The following SLCO3A1 variants were observed in gnomAD, a reference collection of about 807,000 sequenced individuals.
The protein encoded by SLCO3A1 is solute carrier organic anion transporter family member 3A1.
A neutral mutation model predicts 63.1 loss-of-function variants in SLCO3A1; 27 were observed. That is an observed-to-expected ratio of 0.43 (90% CI 0.32 to 0.59). The LOEUF is 0.59. Ranked by LOEUF, SLCO3A1 falls within the 20% of genes least tolerant of loss-of-function variation. The pLI, the probability that SLCO3A1 is intolerant of heterozygous loss-of-function variation, is 0.09. For missense variants in SLCO3A1, 773 were observed against 945.8 expected (o/e 0.82, Z 2.40); for synonymous variants, 473 against 409.9 (o/e 1.15, Z -1.86).
chr15:91,975,188 G>C (rs1250240000), intron 2 of SLCO3A1, among the ~76,000 whole-genome samples: 1 of 152,242 alleles, frequency 6.6e-6, no homozygotes, highest in Admixed American at 6.5e-5. Context: ...GGCTTTAAGA[G>C]TGTCATGTTC....
intron 2 of SLCO3A1, among the ~76,000 whole-genome samples, chr15:91,999,736 A>G (rs1036507626): frequency 5.3e-5 from 8 of 152,206 alleles, no homozygotes; most frequent in African/African-American, 1.7e-4. Context: ...GGCTGCAGTG[A>G]GCTATGATTA....
intron 1 of SLCO3A1, among the ~76,000 whole-genome samples, chr15:91,879,123 G>A (rs1207095978): frequency 6.6e-6 from 1 of 152,176 alleles, no homozygotes; most frequent in African/African-American, 2.4e-5. Context: ...GAATTCGGCA[G>A]CCACTTTTCC....
chr15:91,871,174 A>C (rs1379887692), intron 1 of SLCO3A1, among the ~76,000 whole-genome samples: 1 of 152,126 alleles, frequency 6.6e-6, no homozygotes, highest in Non-Finnish European at 1.5e-5. Context: ...CTTGCTACCA[A>C]GCTGAAGTTT....
chr15:91,916,136 G>A lies in SLCO3A1; in HGVS notation c.324G>A (p.Leu108=), dbSNP rs370591300. 1.9e-6 allele frequency: 3 copies of A among 1,609,562 alleles called. No individual in the cohort carries two copies. The highest frequency in any genetic ancestry group is 2.5e-6 in the Non-Finnish European group (3 of 1,179,122). The change falls in exon 2 of 10, where the codon CTG becomes CTA. Residue 108 remains leucine (L), a synonymous_variant. Coordinates refer to ENST00000318445, the MANE Select transcript of SLCO3A1 (RefSeq NM_013272.4). This position sits in a 1 kb window ranked among gnomAD's most constrained non-coding sequence, Gnocchi z 6.2. The stretch of plus-strand genomic sequence containing the variant: ...GGGCACGCGGGCACCGGCCGCGCCT[G>A]ATCGGCTGCGGCGGCATCGTCATGG... ...YFGARGHRPR[L]IGCGGIVMAL...
intron 2 of SLCO3A1, among the ~76,000 whole-genome samples, chr15:92,054,139 T>TG (rs1233569862): frequency 6.6e-6 from 1 of 152,244 alleles, no homozygotes; most frequent in Non-Finnish European, 1.5e-5. Flanking sequence ...CTTTGGCCAC[T>TG]GGGGGCTCCT....
chr15:91,880,170 CATCTATCT>C (rs57860021), intron 1 of SLCO3A1, among the ~76,000 whole-genome samples: 2 of 126,186 alleles, frequency 1.6e-5, no homozygotes, highest in Non-Finnish European at 1.6e-5. Flanking sequence ...TCCATCCATC[CATCTATCT>C]ATCTATCTAT....
Position 91,882,269 on chromosome 15 carries a change from A to C in SLCO3A1, c.180+28181A>C, listed in dbSNP as rs1567169870. 6.6e-6 allele frequency among the ~76,000 whole-genome samples: 1 copy of C among 152,208 alleles called. No individual in the cohort carries two copies. The stretch of plus-strand genomic sequence containing the variant: ...TTTATGTCTCCCTTCTCAAGCACGC[A>C]GTCAGGATGTGCATTTGCTGAGTGG... On this transcript the variant is annotated intron_variant, in intron 1 of 9. Transcript: ENST00000318445. This position sits in a 1 kb window ranked among gnomAD's most constrained non-coding sequence, Gnocchi z 4.4.
chr15:92,012,043 G>A (rs2046374541), intron 2 of SLCO3A1, among the ~76,000 whole-genome samples: 1 of 152,232 alleles, frequency 6.6e-6, no homozygotes. Flanking sequence ...GAGAAGGAGG[G>A]TGGTGCAAAG....
intron 7 of SLCO3A1, among the ~76,000 whole-genome samples, chr15:92,145,640 G>C (rs553462871): frequency 6.6e-6 from 1 of 152,230 alleles, no homozygotes; most frequent in East Asian, 1.9e-4. Context: ...ATCTGAGCTG[G>C]GTTTTGACAA....
intron 7 of SLCO3A1, among the ~76,000 whole-genome samples, chr15:92,130,030 T>G (rs558511108): frequency 5.9e-5 from 9 of 152,234 alleles, no homozygotes; most frequent in Non-Finnish European, 1.3e-4. Context: ...TCATTAACAT[T>G]TTAATATCCA....
intron 1 of SLCO3A1, among the ~76,000 whole-genome samples, chr15:91,887,887 G>A (rs1897766571): frequency 6.6e-6 from 1 of 152,162 alleles, no homozygotes; most frequent in Non-Finnish European, 1.5e-5. Flanking sequence ...TTTGTGCCAG[G>A]ATTTAATAAG....
rs1280414294 is a variant in SLCO3A1 at position 91,916,877 on chromosome 15, A to G, written c.646+419A>G. On this transcript the variant is annotated intron_variant, in intron 2 of 9. Coordinates refer to ENST00000318445, the MANE Select transcript of SLCO3A1 (RefSeq NM_013272.4). The surrounding 1 kb of genome is among the most constrained non-coding windows in gnomAD (Gnocchi z 6.2). ...CCTGGTCATTGTCCTGTTGCAGCTC[A>G]AAAGGAGAGGTGATGGCTTTGCCAG... Among the ~76,000 whole-genome samples, 1 of 152,238 alleles carries G rather than the reference A, an allele frequency of 6.6e-6. No homozygotes were observed. The highest frequency in any genetic ancestry group is 1.5e-5 in the Non-Finnish European group (1 of 68,050).
At chr15:92,171,106 C>T (rs1028650432) in intron 10 of SLCO3A1, 2 of 152,210 alleles carry the variant, frequency 1.3e-5, no homozygotes, top group Non-Finnish European at 2.9e-5. Flanking sequence ...ATAGAGACTT[C>T]TGTGGCCTCG....
intron 2 of SLCO3A1, among the ~76,000 whole-genome samples, chr15:92,082,325 G>A (rs1276502131): frequency 2.6e-5 from 4 of 152,218 alleles, no homozygotes; most frequent in Non-Finnish European, 5.9e-5. Flanking sequence ...ATAAATTGAG[G>A]AGACGAAGGC....
rs140008481 is a variant in SLCO3A1 at position 91,877,930 on chromosome 15, C to T, written c.180+23842C>T. On this transcript the variant is annotated intron_variant, in intron 1 of 9. Coordinates refer to ENST00000318445, the MANE Select transcript of SLCO3A1 (RefSeq NM_013272.4). Reference sequence around the variant, plus strand: ...CTCCATTTACCAGGTGATGGGGCCACACAGGGAGCATCCTGTGGAAGGACT... The same window carrying T: ...CTCCATTTACCAGGTGATGGGGCCATACAGGGAGCATCCTGTGGAAGGACT... Among the ~76,000 whole-genome samples, 75 of 152,154 alleles carry T rather than the reference C, an allele frequency of 4.9e-4. 1 individual carries two copies. The East Asian group carries it at 0.011, about 22-fold the overall frequency.
At position 92,040,984 on chromosome 15, in the gene SLCO3A1, G is replaced by A. The variant is rs150124019; in HGVS notation, c.647-53897G>A. On this transcript the variant is annotated intron_variant, in intron 2 of 9. Coordinates refer to ENST00000318445, the MANE Select transcript of SLCO3A1 (RefSeq NM_013272.4). ...CTGGGCATGTGTCCTCACTCCTCCCGACATTCTGTGTGGCCTGGACCCATC... is the reference window on the plus strand; with the variant it reads ...CTGGGCATGTGTCCTCACTCCTCCCAACATTCTGTGTGGCCTGGACCCATC... Among the ~76,000 whole-genome samples the A allele has an allele frequency of 2.5e-3, 376 of 152,188 alleles. 6 individuals are homozygous for A. The highest frequency in any genetic ancestry group is 8.0e-3 in the African/African-American group (331 of 41,504).
intron 2 of SLCO3A1, among the ~76,000 whole-genome samples, chr15:92,061,784 A>G (rs2047088740): frequency 6.7e-6 from 1 of 149,912 alleles, no homozygotes; most frequent in Admixed American, 6.8e-5. Context: ...CTCCTAGGCA[A>G]CCCATCACCC....
intron 2 of SLCO3A1, among the ~76,000 whole-genome samples, chr15:92,019,830 G>A (rs28465497): frequency 0.2 from 30,580 of 152,076 alleles, 3,310 homozygotes; most frequent in African/African-American, 0.24. Context: ...CTACTTGGGT[G>A]CCTTATTGTC....
chr15:91,929,762 C>G (rs137982245), intron 2 of SLCO3A1, among the ~76,000 whole-genome samples: 1 of 152,192 alleles, frequency 6.6e-6, no homozygotes, highest in Non-Finnish European at 1.5e-5. Context: ...TTTGACTACT[C>G]TAAGTGCCTC....
Sources: allele counts gnomAD v4.1 joint callset (sites outside exome capture counted in the v4.1 genomes callset), GRCh38; gene constraint gnomAD v4.1.1; non-coding constraint Gnocchi (gnomAD v3.1); transcripts MANE v1.5; gene names NCBI Gene and HGNC (gene_info 2026-07-23, HGNC 2026-07-21).